The following SSH1 variants were observed in gnomAD, a reference collection of about 807,000 sequenced individuals.
The protein encoded by SSH1 is slingshot protein phosphatase 1.
In SSH1, 43 loss-of-function variants were observed where a neutral mutation model predicts 79.7. That is an observed-to-expected ratio of 0.54 (90% CI 0.42 to 0.70). The LOEUF (loss-of-function observed/expected upper bound fraction) is 0.70. SSH1 is among the 30% of genes least tolerant of loss of function. The probability of loss-of-function intolerance (pLI) is 0.00; values close to 1 mark genes in which losing one functional copy is unlikely to be tolerated. For missense variants in SSH1, 1,206 were observed against 1,358.8 expected (o/e 0.89, Z 1.77); for synonymous variants, 599 against 538.3 (o/e 1.11, Z -1.56).
At chr12:108,793,329 GTATT>G (rs1262291510) in intron 13 of SSH1, among the ~76,000 whole-genome samples, 2 of 151,864 alleles carry the variant, frequency 1.3e-5, no homozygotes, top group East Asian at 3.9e-4. Flanking sequence ...AAACTAGAAA[GTATT>G]TGTTTAGGTT....
rs1264140541 is a variant in SSH1 at position 108,802,310 on chromosome 12, G to T, written c.1001+12C>A. The T allele has an allele frequency of 1.2e-6, 2 of 1,613,152 alleles. No homozygotes were observed. The highest frequency in any genetic ancestry group is 1.3e-5 in the African/African-American group (1 of 74,894). On this transcript the variant is annotated intron_variant, in intron 11 of 14. Coordinates refer to ENST00000326495, the MANE Select transcript of SSH1 (RefSeq NM_018984.4). The stretch of plus-strand genomic sequence containing the variant: ...CTGGAAGGACAGGGAAAGACAAGGG[G>T]AGGAGACTCACCCTGAGCCCTGCAG...
Position 108,806,377 on chromosome 12 carries a change from C to T in SSH1, c.749G>A (p.Arg250Lys). 6.2e-7 allele frequency: 1 copy of T among 1,614,178 alleles called. No individual in the cohort carries two copies. Among genetic ancestry groups the T allele is most frequent in the South Asian group, 1.1e-5 (1 of 91,086 alleles). Residue 250 changes from arginine to lysine, a missense_variant, in exon 9 of 15, where the codon AGG becomes AAG. Around this residue, in one of 5 missense-constraint regions of SSH1, gnomAD observed 116 missense variants for 109.0 expected, o/e 1.06. Transcript: ENST00000326495. ...LFVDKPTEGE[R>K]TERLIKAKLR... ...CTTGGCTTTGATGAGGCGCTCGGTC[C>T]TTTCCCCTTCAGTGGGCCTGGAAAG...
chr12:108,857,192 C>A lies in SSH1; in HGVS notation c.69+236G>T, dbSNP rs1353833961. ...TGCATACACAGTCCCTGCAAAGTCG[C>A]CCCCCGATAGGGGTCACACCGCACA... On this transcript the variant is annotated intron_variant, in intron 1 of 14. Transcript: ENST00000326495. The surrounding 1 kb of genome is among the most constrained non-coding windows in gnomAD (Gnocchi z 4.7). Among the ~76,000 whole-genome samples the A allele has an allele frequency of 6.6e-6, 1 of 152,132 alleles. No individual in the cohort carries two copies. The highest frequency in any genetic ancestry group is 1.5e-5 in the Non-Finnish European group (1 of 68,000).
At chr12:108,820,034 GTTCT>G (rs1218013482) in intron 3 of SSH1, among the ~76,000 whole-genome samples, 6 of 151,132 alleles carry the variant, frequency 4.0e-5, no homozygotes, top group Non-Finnish European at 5.9e-5. Flanking sequence ...CATGTTAAGC[GTTCT>G]TTCTTTTTCT....
intron 14 of SSH1, among the ~76,000 whole-genome samples, chr12:108,791,748 A>C (rs1333236051): frequency 6.6e-6 from 1 of 152,100 alleles, no homozygotes; most frequent in African/African-American, 2.4e-5. Flanking sequence ...AACAGTGAGA[A>C]CTTGTCTATA....
intron 2 of SSH1, among the ~76,000 whole-genome samples, chr12:108,840,869 G>A (rs1214918634): frequency 1.3e-5 from 2 of 152,204 alleles, no homozygotes; most frequent in African/African-American, 4.8e-5. Context: ...AGCCCGGCTG[G>A]TTTTCTCCAC....
intron 13 of SSH1, among the ~76,000 whole-genome samples, chr12:108,796,310 T>C (rs1408237354): frequency 2.0e-5 from 3 of 152,220 alleles, no homozygotes; most frequent in Non-Finnish European, 2.9e-5. Flanking sequence ...TCCAGAATGC[T>C]CTGTCTCTGG....
At chr12:108,810,288 G>A (rs1028547153) in intron 6 of SSH1, among the ~76,000 whole-genome samples, 5 of 151,972 alleles carry the variant, frequency 3.3e-5, no homozygotes, top group African/African-American at 7.2e-5. Flanking sequence ...TTGGGAGGCC[G>A]AGGAGGGTGG....
At chr12:108,828,051 T>C (rs2038373879) in intron 2 of SSH1, among the ~76,000 whole-genome samples, 1 of 152,158 alleles carries the variant, frequency 6.6e-6, no homozygotes, top group African/African-American at 2.4e-5. Context: ...GCTGTGTTTT[T>C]AGCGTTTCTT....
intron 8 of SSH1, 68 bp from the exon 9 acceptor site, chr12:108,806,462 G>A: frequency 1.4e-6 from 2 of 1,393,434 alleles, no homozygotes; most frequent in Non-Finnish European, 2.0e-6. Context: ...TTACAGGAAT[G>A]CCAGATGCTC....
rs767271798 is a variant in SSH1, at chr12:108,788,093, CAAG to C, written c.3042_3044del (p.Phe1014del). 6.6e-4 allele frequency: 1,059 copies of C among 1,613,864 alleles called. No individual in the cohort carries two copies. Among genetic ancestry groups the C allele is most frequent in the Non-Finnish European group, 8.7e-4 (1,023 of 1,180,038 alleles). On this transcript the variant is annotated inframe_deletion, in exon 15 of 15. Transcript: ENST00000326495. ...CCCTCGGGGTTCCCTGGGGCTCATG[CAAG>C]AAGGAAGATTCACTCAAAGTGGTGT...
intron 2 of SSH1, chr12:108,833,662 G>C (rs948161702): frequency 6.6e-6 from 1 of 152,208 alleles, no homozygotes; most frequent in African/African-American, 2.4e-5. Flanking sequence ...TTCTCTGAAT[G>C]TCCCTGAAGG....
In SSH1 at chr12:108,808,656, C is replaced by T. The variant is rs1435984517; in HGVS notation, c.537-829G>A. ...CCTGCATTCTAAATAATTACATTTC[C>T]ACCCATCCCCCCATCAACATTCTAA... On this transcript the variant is annotated intron_variant, in intron 7 of 14. Transcript: ENST00000326495. Among the ~76,000 whole-genome samples, 4 of 152,206 alleles carry T rather than the reference C, an allele frequency of 2.6e-5. No homozygotes were observed. In the South Asian group the frequency reaches 8.3e-4, roughly 32 times the overall value.
chr12:108,810,374 T>C (rs1272309802), intron 6 of SSH1, among the ~76,000 whole-genome samples: 1 of 151,586 alleles, frequency 6.6e-6, no homozygotes, highest in Non-Finnish European at 1.5e-5. Context: ...ATACAAAAAT[T>C]AGCCAGGCAT....
chr12:108,847,035 T>C (rs1190271956), intron 2 of SSH1, among the ~76,000 whole-genome samples: 2 of 152,202 alleles, frequency 1.3e-5, no homozygotes, highest in Non-Finnish European at 2.9e-5. Context: ...TAGCTGGGAC[T>C]ACAGGCGTGC....
rs576498682 is a variant in SSH1, at chr12:108,809,987, T to A, written c.471-229A>T. 5.3e-5 allele frequency among the ~76,000 whole-genome samples: 8 copies of A among 152,178 alleles called. No individual in the cohort carries two copies. The South Asian group carries it at 1.7e-3, about 32-fold the overall frequency. On this transcript the variant is annotated intron_variant, in intron 6 of 14. Transcript: ENST00000326495. ...TTGTTTTTAACCCAGCACTGCGAGT[T>A]CCACCAAAAACTGAAACCCTAGCAA...
intron 4 of SSH1, among the ~76,000 whole-genome samples, chr12:108,817,843 A>C (rs1470454413): frequency 1.3e-5 from 2 of 152,172 alleles, no homozygotes; most frequent in East Asian, 3.9e-4. Context: ...AATTTGTTGT[A>C]ACCTAAAAGC....
chr12:108,795,546 AT>A (rs1044630209), intron 13 of SSH1, among the ~76,000 whole-genome samples: 45 of 146,584 alleles, frequency 3.1e-4, no homozygotes, highest in African/African-American at 4.0e-4. Context: ...CTGACCCTCA[AT>A]TTTTTTTTTT....
chr12:108,811,097 C>A (rs1183910108), intron 6 of SSH1, among the ~76,000 whole-genome samples, 163 bp downstream of exon 6: 1 of 152,212 alleles, frequency 6.6e-6, no homozygotes, highest in Non-Finnish European at 1.5e-5. Context: ...AACATACCCT[C>A]CCTCGTGCCC....
Sources: allele counts gnomAD v4.1 joint callset (sites outside exome capture counted in the v4.1 genomes callset), GRCh38; gene constraint gnomAD v4.1.1; regional missense constraint gnomAD v4.1.1; non-coding constraint Gnocchi (gnomAD v3.1); transcripts MANE v1.5; gene names NCBI Gene and HGNC (gene_info 2026-07-23, HGNC 2026-07-21).